Variants in ACTR2 observed in about 807,000 individuals in gnomAD.
The protein encoded by ACTR2 is actin-related protein 2.
ACTR2 carries 5 observed loss-of-function variants against 50.2 expected under a neutral mutation model. That is an observed-to-expected ratio of 0.10 (90% CI 0.05 to 0.21). The LOEUF is 0.21. Among genes scored for constraint, ACTR2 ranks in the 10% least tolerant of loss-of-function variants. The pLI, the probability that ACTR2 is intolerant of heterozygous loss-of-function variation, is 1.00. For synonymous variants in ACTR2, 140 were observed against 162.9 expected (o/e 0.86, Z 1.07); for missense variants, 180 against 480.6 (o/e 0.37, Z 5.85).
At chr2:65,242,670 C>T (rs772901716) in intron 2 of ACTR2, 2 of 509,404 alleles carry the variant, frequency 3.9e-6, no homozygotes, top group African/African-American at 2.0e-5. Flanking sequence ...CTATAAACAA[C>T]AGATTTCCCC....
intron 2 of ACTR2, among the ~76,000 whole-genome samples, chr2:65,244,906 C>T (rs938884480): frequency 6.9e-6 from 1 of 144,390 alleles, no homozygotes; most frequent in Non-Finnish European, 1.5e-5. Context: ...GGCACCACTG[C>T]ACTCCAGCTT....
chr2:65,231,793 A>G (rs1265512850), intron 1 of ACTR2, among the ~76,000 whole-genome samples: 1 of 152,206 alleles, frequency 6.6e-6, no homozygotes, highest in Non-Finnish European at 1.5e-5. Context: ...CCTGGGCCAC[A>G]TTGGAAGAGG....
chr2:65,263,879 C>T (rs1402149436), intron 7 of ACTR2, among the ~76,000 whole-genome samples: 3 of 152,072 alleles, frequency 2.0e-5, no homozygotes, highest in Admixed American at 6.6e-5. Flanking sequence ...AATGGTGAAA[C>T]CCCGTCTCTA....
intron 1 of ACTR2, among the ~76,000 whole-genome samples, chr2:65,238,576 G>A (rs972417658): frequency 8.8e-5 from 13 of 148,054 alleles, no homozygotes; most frequent in African/African-American, 3.3e-4. Context: ...GGAGAATGGC[G>A]TGAACCCGGG....
intron 3 of ACTR2, among the ~76,000 whole-genome samples, chr2:65,247,273 A>G (rs898777656): frequency 6.6e-6 from 1 of 152,222 alleles, no homozygotes; most frequent in African/African-American, 2.4e-5. Context: ...TTAACAATAA[A>G]GTAAGCTAGA....
At chr2:65,233,017 C>A (rs1250226190) in intron 1 of ACTR2, among the ~76,000 whole-genome samples, 1 of 143,586 alleles carries the variant, frequency 7.0e-6, no homozygotes, top group African/African-American at 2.6e-5. Flanking sequence ...TTTTTTTAGA[C>A]AGAGTCTTGC....
intron 2 of ACTR2, among the ~76,000 whole-genome samples, chr2:65,245,286 G>T (rs578046033): frequency 5.3e-5 from 8 of 152,062 alleles, no homozygotes; most frequent in Non-Finnish European, 1.2e-4. Context: ...TTGGGAGGCC[G>T]AGATGGGTGA....
intron 1 of ACTR2, among the ~76,000 whole-genome samples, chr2:65,233,704 C>G (rs991109093): frequency 6.6e-6 from 1 of 151,730 alleles, no homozygotes; most frequent in Non-Finnish European, 1.5e-5. Context: ...CTCCGCCTCC[C>G]AGGTTCAAGT....
intron 4 of ACTR2, among the ~76,000 whole-genome samples, chr2:65,253,007 G>C (rs986970246): frequency 1.3e-5 from 2 of 152,118 alleles, no homozygotes; most frequent in African/African-American, 4.8e-5. Flanking sequence ...GTGATGCTTT[G>C]GCTAGCCATG....
rs762468309 is a variant in ACTR2 at position 65,227,870 on chromosome 2, G to C, written c.-40G>C. The stretch of plus-strand genomic sequence containing the variant: ...AGAAAACGGCCGGGCGGCGGTGGCT[G>C]TAGGTTGTGCGGCTGCAGCGGCTCT... On this transcript the variant is annotated 5_prime_UTR_variant, in exon 1 of 9. Coordinates refer to ENST00000260641, the MANE Select transcript of ACTR2 (RefSeq NM_005722.4). The C allele has an allele frequency of 6.7e-6, 10 of 1,499,150 alleles. No individual in the cohort carries two copies. Among genetic ancestry groups the C allele is most frequent in the Non-Finnish European group, 8.9e-6 (10 of 1,123,524 alleles). The allele number at this position is 1,499,150 out of a possible 1,614,324, so 92.9% of individuals were successfully genotyped here.
At position 65,246,510 on chromosome 2, in the gene ACTR2, A is replaced by G. The variant is rs567800726; in HGVS notation, c.160-14A>G. ...TGCAAAACTTTGATCTACAGCTTTGACATAATTTTCTAGGATCTTATGGTT... is the reference window on the plus strand; with the variant it reads ...TGCAAAACTTTGATCTACAGCTTTGGCATAATTTTCTAGGATCTTATGGTT... On this transcript the variant is annotated splice_polypyrimidine_tract_variant and intron_variant, in intron 2 of 8. Coordinates refer to ENST00000260641, the MANE Select transcript of ACTR2 (RefSeq NM_005722.4). The G allele has an allele frequency of 6.4e-7, 1 of 1,560,302 alleles. No individual in the cohort carries two copies. The highest frequency in any genetic ancestry group is 1.4e-5 in the African/African-American group (1 of 72,706).
chr2:65,237,602 G>A (rs1261486781), intron 1 of ACTR2, among the ~76,000 whole-genome samples: 1 of 152,266 alleles, frequency 6.6e-6, no homozygotes, highest in East Asian at 1.9e-4. Context: ...TGTAATCCCA[G>A]CAACTCAGGA....
chr2:65,267,862 C>CTTT (rs70943640), intron 8 of ACTR2, among the ~76,000 whole-genome samples: 2,336 of 47,328 alleles, frequency 0.049, 468 homozygotes, highest in Non-Finnish European at 0.062. Flanking sequence ...TGCAAGTCCT[C>CTTT]TTTTTTTTTT....
At chr2:65,233,102 C>A (rs763236602) in intron 1 of ACTR2, among the ~76,000 whole-genome samples, 2 of 150,702 alleles carry the variant, frequency 1.3e-5, no homozygotes, top group African/African-American at 4.9e-5. Flanking sequence ...TCAAGCAATT[C>A]TCCTGCCTCA....
chr2:65,240,030 A>T, intron 2 of ACTR2, 68 bp downstream of exon 2: 1 of 1,036,860 alleles, frequency 9.6e-7, no homozygotes, highest in Non-Finnish European at 1.4e-6. Flanking sequence ...GTAGTTTAAC[A>T]GTTCTTTTAA....
chr2:65,253,664 G>A, intron 4 of ACTR2, 64 bp from the exon 5 acceptor site: 1 of 1,559,646 alleles, frequency 6.4e-7, no homozygotes, highest in South Asian at 1.2e-5. Context: ...ACTGTATTTG[G>A]AACTCGCTGG....
intron 6 of ACTR2, among the ~76,000 whole-genome samples, chr2:65,260,472 C>A (rs927954486): frequency 1.3e-5 from 2 of 152,226 alleles, no homozygotes; most frequent in African/African-American, 4.8e-5. Context: ...TGCCATTGCA[C>A]TCCAGCCTGG....
At chr2:65,263,944 A>G (rs372978051) in intron 7 of ACTR2, among the ~76,000 whole-genome samples, 7 of 152,170 alleles carry the variant, frequency 4.6e-5, no homozygotes, top group African/African-American at 1.4e-4. Flanking sequence ...AATCCCAGCT[A>G]CTCGGGAGGC....
At chr2:65,251,124 A>C (rs1159793525) in intron 4 of ACTR2, 25 bp downstream of exon 4, 2 of 1,505,720 alleles carry the variant, frequency 1.3e-6, no homozygotes, top group Non-Finnish European at 1.8e-6. Flanking sequence ...ACTGTTAGAA[A>C]AAACACTTCA....
Sources: gnomAD v4.1 joint callset for allele counts (sites outside exome capture counted in the v4.1 genomes callset) on GRCh38, gnomAD v4.1.1 for gene constraint, MANE v1.5 for transcripts, NCBI Gene and HGNC (gene_info 2026-07-23, HGNC 2026-07-21) for gene names.